TLE2: variants seen among roughly 807,000 people sequenced by gnomAD.
The protein encoded by TLE2 is TLE family member 2, transcriptional corepressor.
In TLE2, 74 loss-of-function variants were observed where a neutral mutation model predicts 97.2. That is an observed-to-expected ratio of 0.76 (90% CI 0.63 to 0.92). The LOEUF (loss-of-function observed/expected upper bound fraction) is 0.92. TLE2 is among the 40% of genes least tolerant of loss of function. TLE2 has a pLI of 0.00. For missense variants in TLE2, 1,038 were observed against 1,008.7 expected, an observed-to-expected ratio of 1.03 and a Z score of -0.39; for synonymous variants, 499 against 432.1, an observed-to-expected ratio of 1.15 and a Z score of -1.92.
intron 5 of TLE2, among the ~76,000 whole-genome samples, chr19:3,022,260 G>A (rs969610384): frequency 1.1e-4 from 16 of 151,984 alleles, no homozygotes; most frequent in Non-Finnish European, 1.5e-4. Context: ...GGTGGCTCAC[G>A]CGTGTAATCC....
intron 3 of TLE2, 141 bp downstream of exon 3, chr19:3,028,178 G>A (rs1289442823): frequency 2.2e-6 from 2 of 919,856 alleles, no homozygotes; most frequent in African/African-American, 1.6e-5. Context: ...GACCCTCCTA[G>A]AGAGCCTGAA....
At position 3,006,536 on chromosome 19, in the gene TLE2, C is replaced by G; in HGVS notation, c.1384G>C (p.Ala462Pro). The G allele has an allele frequency of 6.2e-7, 1 of 1,606,684 alleles. No individual in the cohort carries two copies. The highest frequency in any genetic ancestry group is 1.1e-5 in the South Asian group (1 of 89,972). The change falls in exon 15 of 20, where the codon GCG (alanine) becomes CCG (proline). Residue 462 changes from alanine (A) to proline (P), a missense_variant. Ala to Pro is a conservative substitution (Grantham distance 27, BLOSUM62 -1). Coordinates refer to ENST00000262953, the MANE Select transcript of TLE2 (RefSeq NM_003260.5). ...HTLAHGEVVC[A>P]VTISGSTQHV... ...TGTGTGGAGCCGCTGATGGTGACCG[C>G]GCAGACCACCTCGCCATGGGCCAGC...
At chr19:3,043,208 G>A (rs956467642) in intron 1 of TLE2, among the ~76,000 whole-genome samples, 3 of 151,352 alleles carry the variant, frequency 2.0e-5, no homozygotes, top group South Asian at 2.1e-4. Flanking sequence ...GGCTCCCTGC[G>A]AGGCTCAAGC....
Position 3,019,283 on chromosome 19 carries a change from C to A in TLE2, c.550G>T (p.Val184Leu). Residue 184 changes from valine (V) to leucine (L), a missense_variant and splice_region_variant, in exon 7 of 20, where the codon GTG (valine) becomes TTG (leucine). Physicochemically the swap from Val to Leu is conservative, Grantham distance 32. Transcript: ENST00000262953. The surrounding 1 kb of genome is among the most constrained non-coding windows in gnomAD (Gnocchi z 5.1). The part of the protein sequence containing the change: ...RAGVEAEGSR[V>L]ERAPSRSASP... ...ATGCCACCCCGTGCTGCCCACTCACCTCTGGACCCCTCGGCCTCCACGCCC... is the reference window on the plus strand; with the variant it reads ...ATGCCACCCCGTGCTGCCCACTCACATCTGGACCCCTCGGCCTCCACGCCC... The A allele has an allele frequency of 6.4e-7, 1 of 1,573,644 alleles. No individual in the cohort carries two copies. The highest frequency in any genetic ancestry group is 2.3e-5 in the East Asian group (1 of 42,908).
At position 2,997,847 on chromosome 19, in the gene TLE2, C is replaced by T. The variant is rs1382674677; in HGVS notation, c.*1G>A. 6.2e-7 allele frequency: 1 copy of T among 1,602,448 alleles called. No homozygotes were observed. Among genetic ancestry groups the T allele is most frequent in the Admixed American group, 1.7e-5 (1 of 58,644 alleles). ...TCGGGTACAGGAAGGGGGGTCATGT[C>T]TCAGTAGACCACCTCATACACGGTG... On this transcript the variant is annotated 3_prime_UTR_variant, in exon 20 of 20. Coordinates refer to ENST00000262953, the MANE Select transcript of TLE2 (RefSeq NM_003260.5).
intron 5 of TLE2, chr19:3,020,042 GA>G: frequency 2.1e-6 from 1 of 487,054 alleles, no homozygotes; most frequent in Non-Finnish European, 3.7e-6. Context: ...CAGCGCTTTG[GA>G]AGGCTGAGGT....
chr19:3,047,345 G>GC (rs1197089226), upstream of TLE2, among the ~76,000 whole-genome samples: 2 of 113,814 alleles, frequency 1.8e-5, no homozygotes, highest in African/African-American at 3.3e-5. Context: ...ACCCGAGCAC[G>GC]CCCCCCCAGG....
intron 14 of TLE2, among the ~76,000 whole-genome samples, chr19:3,006,938 A>C (rs180930091): frequency 1.3e-5 from 2 of 152,104 alleles, no homozygotes; most frequent in African/African-American, 4.8e-5. Flanking sequence ...ATGCGCCACC[A>C]TGCCTGGCTA....
At position 3,006,402 on chromosome 19, in the gene TLE2, G is replaced by A; in HGVS notation, c.1500+18C>T. The A allele has an allele frequency of 3.1e-6, 5 of 1,605,774 alleles. No homozygotes were observed. Among genetic ancestry groups the A allele is most frequent in the Non-Finnish European group, 3.4e-6 (4 of 1,177,500 alleles). ...CCCTCACCTGTGAGTCCCGCCCACTGTCCCACCCCGCCCTCACCAGGCAGT... is the reference window on the plus strand; with the variant it reads ...CCCTCACCTGTGAGTCCCGCCCACTATCCCACCCCGCCCTCACCAGGCAGT... On this transcript the variant is annotated intron_variant, in intron 15 of 19. Transcript: ENST00000262953.
Position 3,019,382 on chromosome 19 carries a change from T to C in TLE2, c.451A>G (p.Thr151Ala), listed in dbSNP as rs565820691. Residue 151 changes from threonine to alanine, a missense_variant, in exon 7 of 20, where the codon ACG becomes GCG. Coordinates refer to ENST00000262953, the MANE Select transcript of TLE2 (RefSeq NM_003260.5). The surrounding 1 kb of genome is among the most constrained non-coding windows in gnomAD (Gnocchi z 5.1). ...GCTCCAGACAGAGCAAGCAGCCCCG[T>C]AGCACTGCCGCCCACCAGCCCGGCT... The part of the protein sequence containing the change: ...RPAGLVGGSA[T>A]GLLALSGALA... 1.3e-6 allele frequency: 2 copies of C among 1,548,288 alleles called. No individual in the cohort carries two copies. Among genetic ancestry groups the C allele is most frequent in the South Asian group, 1.2e-5 (1 of 84,730 alleles).
intron 17 of TLE2, among the ~76,000 whole-genome samples, chr19:3,004,658 G>A (rs1267205841): frequency 6.6e-6 from 1 of 150,490 alleles, no homozygotes; most frequent in Non-Finnish European, 1.5e-5. Context: ...TTAGGAGTTA[G>A]CTCCTCTTAG....
At chr19:3,029,388 C>G (rs1360248496), upstream of TLE2, among the ~76,000 whole-genome samples, 3 of 147,370 alleles carry the variant, frequency 2.0e-5, no homozygotes, top group Non-Finnish European at 4.5e-5. Context: ...CCCGCGCCCC[C>G]CCCGGCCCCC....
At chr19:3,006,259 G>A in intron 15 of TLE2, 161 bp downstream of exon 15, 1 of 1,266,568 alleles carries the variant, frequency 7.9e-7, no homozygotes, top group Non-Finnish European at 1.1e-6. Context: ...CCTTTGGCCT[G>A]CAAGCCTTGT....
chr19:3,042,570 A>G (rs960051198), intron 1 of TLE2, among the ~76,000 whole-genome samples: 13 of 151,466 alleles, frequency 8.6e-5, no homozygotes, highest in Admixed American at 6.6e-4. Flanking sequence ...TGAAGGACAG[A>G]GGGAGAAGCC....
upstream of TLE2, among the ~76,000 whole-genome samples, chr19:3,032,166 A>G (rs1048411464): frequency 3.3e-5 from 5 of 152,092 alleles, no homozygotes; most frequent in African/African-American, 9.7e-5. The surrounding 1 kb of genome is among the most constrained non-coding windows in gnomAD (Gnocchi z 4.1). Context: ...TCCTGACCTC[A>G]GGTGATCCAC....
At chr19:2,999,102 G>T (rs145320559) in intron 19 of TLE2, among the ~76,000 whole-genome samples, 98 of 151,984 alleles carry the variant, frequency 6.4e-4, no homozygotes, top group Middle Eastern at 3.4e-3. Context: ...GCCAACGTGG[G>T]GAATCCCCGT....
chr19:3,032,466 G>T (rs916717027), upstream of TLE2, among the ~76,000 whole-genome samples: 1 of 152,090 alleles, frequency 6.6e-6, no homozygotes, highest in African/African-American at 2.4e-5. The surrounding 1 kb of genome is among the most constrained non-coding windows in gnomAD (Gnocchi z 4.1). Context: ...GCAAACTCCT[G>T]ACCTCAGATG....
Position 3,028,982 on chromosome 19 carries a change from T to C in TLE2, c.-78A>G. ...GCGGCAAGAGTGGGGGAGGCTGAAGTGGGGTGGTGGGGAGGCTGCCCGAAG... is the reference window on the plus strand; with the variant it reads ...GCGGCAAGAGTGGGGGAGGCTGAAGCGGGGTGGTGGGGAGGCTGCCCGAAG... On this transcript the variant is annotated 5_prime_UTR_variant, in exon 1 of 20. Coordinates refer to ENST00000262953, the MANE Select transcript of TLE2 (RefSeq NM_003260.5). 6.4e-7 allele frequency: 1 copy of C among 1,558,344 alleles called. No individual in the cohort carries two copies. The highest frequency in any genetic ancestry group is 8.7e-7 in the Non-Finnish European group (1 of 1,153,602).
rs34703558 is a variant in TLE2, at chr19:3,005,557, G to A, written c.1776C>T (p.Ala592=). The part of the protein sequence containing the change: ...VRQFQGHTDG[A]SCIDISDYGT... ...CGTAATCGGAAATATCAATGCAGCTGGCGCCGTCCGTGTGGCCCTGGAACT... is the reference window on the plus strand; with the variant it reads ...CGTAATCGGAAATATCAATGCAGCTAGCGCCGTCCGTGTGGCCCTGGAACT... The change falls in exon 17 of 20, where the codon GCC becomes GCT. Residue 592 remains alanine, a synonymous_variant. Coordinates refer to ENST00000262953, the MANE Select transcript of TLE2 (RefSeq NM_003260.5). 4.0e-4 allele frequency: 648 copies of A among 1,613,410 alleles called. 3 individuals carry two copies. In the African/African-American group the frequency reaches 7.6e-3, roughly 19 times the overall value.
Sources: allele counts gnomAD v4.1 joint callset (sites outside exome capture counted in the v4.1 genomes callset), GRCh38; gene constraint gnomAD v4.1.1; non-coding constraint Gnocchi (gnomAD v3.1); transcripts MANE v1.5; gene names NCBI Gene and HGNC (gene_info 2026-07-23, HGNC 2026-07-21).